Variants in XKR9 observed in about 807,000 individuals in gnomAD.
The protein encoded by XKR9 is XK-related protein 9.
Under a neutral mutation model 32.0 loss-of-function variants are expected in XKR9, and 32 were observed. The ratio of observed to expected loss-of-function variants is 1.00; its 90% CI spans 0.76 to 1.34. The LOEUF is 1.34. Among genes scored for constraint, XKR9 ranks in the 40% most tolerant of loss-of-function variants. The pLI, the probability that XKR9 is intolerant of heterozygous loss-of-function variation, is 0.00. For synonymous variants in XKR9, 168 were observed against 143.4 expected (o/e 1.17, Z -1.22); for missense variants, 546 against 429.7 (o/e 1.27, Z -2.39).
At chr8:70,852,639 C>G in the XKR9 span, among the ~76,000 whole-genome samples, 1 of 152,062 alleles carries the variant, frequency 6.6e-6, no homozygotes, top group Non-Finnish European at 1.5e-5. Flanking sequence ...AAAAATGTGG[C>G]ATATATACAC....
At chr8:71,035,722 A>G in the XKR9 span, among the ~76,000 whole-genome samples, 1 of 152,166 alleles carries the variant, frequency 6.6e-6, no homozygotes, top group East Asian at 1.9e-4. Context: ...GACATGTTTC[A>G]GCATATGCTA....
At chr8:70,904,885 A>G in the XKR9 span, among the ~76,000 whole-genome samples, 2 of 152,120 alleles carry the variant, frequency 1.3e-5, no homozygotes, top group Non-Finnish European at 2.9e-5. Flanking sequence ...TATGAAGCTT[A>G]GTTTGTCTTG....
At chr8:70,961,444 A>G in the XKR9 span, among the ~76,000 whole-genome samples, 4 of 152,188 alleles carry the variant, frequency 2.6e-5, no homozygotes, top group African/African-American at 9.7e-5. Context: ...GCAACAGTTT[A>G]TTCAAGACGG....
chr8:70,956,077 C>T, the XKR9 span, among the ~76,000 whole-genome samples: 9 of 152,276 alleles, frequency 5.9e-5, no homozygotes, highest in South Asian at 2.1e-4. Context: ...TCCTTCTCAT[C>T]GCTTGCAACA....
At chr8:70,691,670 T>C (rs1194002238) in intron 3 of XKR9, among the ~76,000 whole-genome samples, 1 of 152,022 alleles carries the variant, frequency 6.6e-6, no homozygotes, top group Non-Finnish European at 1.5e-5. Context: ...TGAATAGGGA[T>C]TTTTTTTCCC....
chr8:70,920,488 A>G, the XKR9 span, among the ~76,000 whole-genome samples: 4 of 152,206 alleles, frequency 2.6e-5, no homozygotes, highest in African/African-American at 9.6e-5. Context: ...TTGATCATAA[A>G]AAATAACCTG....
chr8:70,708,969 C>T (rs1013385930), intron 4 of XKR9, among the ~76,000 whole-genome samples: 2 of 151,946 alleles, frequency 1.3e-5, no homozygotes, highest in Non-Finnish European at 2.9e-5. Flanking sequence ...CATTTTGATG[C>T]CAAAATCTGG....
At chr8:70,989,223 C>G in the XKR9 span, among the ~76,000 whole-genome samples, 26 of 152,212 alleles carry the variant, frequency 1.7e-4, no homozygotes, top group African/African-American at 5.5e-4. Flanking sequence ...TAGCAGACAA[C>G]AAGAAGAAAG....
At chr8:70,811,621 C>T in the XKR9 span, among the ~76,000 whole-genome samples, 4 of 152,122 alleles carry the variant, frequency 2.6e-5, no homozygotes, top group Non-Finnish European at 1.5e-5. Context: ...TACCACCGAT[C>T]CCACAGAAAT....
chr8:70,695,462 A>G (rs1395945990), intron 3 of XKR9, among the ~76,000 whole-genome samples: 1 of 151,618 alleles, frequency 6.6e-6, no homozygotes, highest in Non-Finnish European at 1.5e-5. Flanking sequence ...TTTACTGAGA[A>G]TGACGGTTTC....
At chr8:70,873,880 G>A in the XKR9 span, among the ~76,000 whole-genome samples, 1 of 152,182 alleles carries the variant, frequency 6.6e-6, no homozygotes, top group Non-Finnish European at 1.5e-5. Context: ...ATGAAAGGAA[G>A]AGTCAATCAA....
the XKR9 span, among the ~76,000 whole-genome samples, chr8:70,822,286 G>T: frequency 6.6e-6 from 1 of 151,780 alleles, no homozygotes; most frequent in Non-Finnish European, 1.5e-5. Flanking sequence ...CTATGTTTCT[G>T]GTCTTAAAAT....
chr8:70,901,197 TG>T, the XKR9 span, among the ~76,000 whole-genome samples: 2 of 152,206 alleles, frequency 1.3e-5, no homozygotes, highest in African/African-American at 4.8e-5. Context: ...CTGGGTCAAA[TG>T]GTATTTCTAG....
the XKR9 span, among the ~76,000 whole-genome samples, chr8:70,979,377 T>C: frequency 2.6e-5 from 4 of 152,250 alleles, no homozygotes; most frequent in Admixed American, 2.0e-4. Context: ...TGTGGTTTTA[T>C]CTACGTTTGG....
At chr8:70,816,992 A>G in the XKR9 span, among the ~76,000 whole-genome samples, 1 of 152,182 alleles carries the variant, frequency 6.6e-6, no homozygotes, top group Non-Finnish European at 1.5e-5. Context: ...AGAAGCATCT[A>G]TGACAACCCA....
At chr8:71,038,750 C>CAAAAAAAAAAA in the XKR9 span, among the ~76,000 whole-genome samples, 1 of 97,538 alleles carries the variant, frequency 1.0e-5, no homozygotes, top group African/African-American at 4.0e-5. Context: ...TCTCAATTTT[C>CAAAAAAAAAAA]AAAAAAAAAA....
the XKR9 span, among the ~76,000 whole-genome samples, chr8:70,823,836 G>A: frequency 6.6e-6 from 1 of 152,100 alleles, no homozygotes; most frequent in Non-Finnish European, 1.5e-5. Flanking sequence ...AGTGGACAGG[G>A]GTCTATATAG....
chr8:70,938,579 G>A, the XKR9 span, among the ~76,000 whole-genome samples: 2 of 152,070 alleles, frequency 1.3e-5, no homozygotes, highest in African/African-American at 4.8e-5. Flanking sequence ...ATTAAGCACA[G>A]GGAATATGAC....
chr8:70,699,283 G>T (rs1352209308), intron 3 of XKR9, among the ~76,000 whole-genome samples: 1 of 152,130 alleles, frequency 6.6e-6, no homozygotes, highest in Non-Finnish European at 1.5e-5. Flanking sequence ...AGCCTCGATG[G>T]TCTTTACAAT....
Sources: gnomAD v4.1 joint callset for allele counts (sites outside exome capture counted in the v4.1 genomes callset) on GRCh38, gnomAD v4.1.1 for gene constraint, MANE v1.5 for transcripts, NCBI Gene and HGNC (gene_info 2026-07-23, HGNC 2026-07-21) for gene names.